RAB5B: variants seen among roughly 807,000 people sequenced by gnomAD.
RAB5B encodes RAB5B, member RAS oncogene family.
In RAB5B, 11 loss-of-function variants were observed where a neutral mutation model predicts 28.6. That is an observed-to-expected ratio of 0.38 (90% CI 0.24 to 0.64). The LOEUF is 0.64. Ranked by LOEUF, RAB5B falls within the 30% of genes least tolerant of loss-of-function variation. The pLI, the probability that RAB5B is intolerant of heterozygous loss-of-function variation, is 0.53. For synonymous variants in RAB5B, 93 were observed against 97.9 expected (o/e 0.95, Z 0.29); for missense variants, 169 against 265.6 (o/e 0.64, Z 2.53).
Position 55,996,259 on chromosome 12 carries a change from C to T in RAB5B, c.*4047C>T, listed in dbSNP as rs1890304729. On this transcript the variant is annotated 3_prime_UTR_variant, in exon 6 of 6. Coordinates refer to ENST00000360299, the MANE Select transcript of RAB5B (RefSeq NM_002868.4). ...TTTCAAAATTAAAGGTGAACACCTT[C>T]ACTTAAACTGATTAAAATTGCAGCT... 6.6e-6 allele frequency: 1 copy of T among 151,870 alleles called. No individual in the cohort carries two copies. The allele number at this position is 151,870 out of a possible 1,614,324, so 9.4% of individuals were successfully genotyped here. A position where few individuals can be genotyped will look rare whatever the true frequency, so the allele number is the denominator to read the frequency against.
At position 55,992,222 on chromosome 12, in the gene RAB5B, T is replaced by G; in HGVS notation, c.*10T>G. The G allele has an allele frequency of 1.2e-6, 2 of 1,602,226 alleles. No homozygotes were observed. Reference sequence around the variant, plus strand: ...GTGTTGTAGCAACTGAGGGGGTGGCTAGCAGCAAACAAGTATGGAGCTAGC... The same window carrying G: ...GTGTTGTAGCAACTGAGGGGGTGGCGAGCAGCAAACAAGTATGGAGCTAGC... On this transcript the variant is annotated 3_prime_UTR_variant, in exon 6 of 6. Coordinates refer to ENST00000360299, the MANE Select transcript of RAB5B (RefSeq NM_002868.4).
intron 1 of RAB5B, among the ~76,000 whole-genome samples, chr12:55,985,208 T>C (rs758095272): frequency 1.3e-5 from 2 of 152,182 alleles, no homozygotes; most frequent in Non-Finnish European, 2.9e-5. Context: ...CTCCAGAGCC[T>C]TTATTCCTCT....
At chr12:55,981,098 C>T (rs543477434) in intron 1 of RAB5B, 3 of 1,439,538 alleles carry the variant, frequency 2.1e-6, no homozygotes, top group African/African-American at 1.4e-5. Flanking sequence ...CGGAATCGCT[C>T]TGTTGTCCAG....
chr12:55,990,595 G>T, intron 3 of RAB5B, 87 bp from the exon 4 acceptor site: 1 of 1,527,740 alleles, frequency 6.5e-7, no homozygotes, highest in African/African-American at 1.4e-5. Context: ...CCACCTAGAA[G>T]AGGTGAATTT....
At chr12:55,980,802 A>C in intron 1 of RAB5B, 1 of 1,578,398 alleles carries the variant, frequency 6.3e-7, no homozygotes, top group South Asian at 1.1e-5. Flanking sequence ...GCTCCACGGT[A>C]GTAGGCAGTA....
At chr12:55,991,970 A>G (rs533015041) in intron 5 of RAB5B, 127 bp from the exon 6 acceptor site, 8 of 681,714 alleles carry the variant, frequency 1.2e-5, no homozygotes, top group Admixed American at 2.9e-5. Context: ...TCCCATCTTC[A>G]GAACATTCTT....
In RAB5B at chr12:55,986,855, T is replaced by G; in HGVS notation, c.-92-14T>G. On this transcript the variant is annotated splice_polypyrimidine_tract_variant and intron_variant, in intron 1 of 5. Transcript: ENST00000360299. ...GGACGTATGTTTAATTTTATTCACT[T>G]TTTTTTCTTGCAGGAGTGTTGAAGC... is the stretch of plus-strand genomic sequence containing the variant. The G allele has an allele frequency of 1.1e-6, 1 of 871,406 alleles. No homozygotes were observed. Among genetic ancestry groups the G allele is most frequent in the South Asian group, 1.5e-5 (1 of 68,394 alleles). The allele number at this position is 871,406 out of a possible 1,614,324, so 54.0% of individuals were successfully genotyped here. A position where few individuals can be genotyped will look rare whatever the true frequency, so the allele number is the denominator to read the frequency against.
Position 55,991,384 on chromosome 12 carries a change from A to G in RAB5B, c.463A>G (p.Asn155Asp). Residue 155 changes from asparagine (N) to aspartate (D), a missense_variant, in exon 5 of 6, where the codon AAC becomes GAC. Asn to Asp is a conservative substitution (Grantham distance 23). This residue lies in a region of RAB5B where 123 missense variants were observed against 162.4 expected (regional missense o/e 0.76). Transcript: ENST00000360299. Reference sequence around the variant, plus strand: ...GGAGGCCCAGGCATATGCAGATGACAACAGCTTATTGTTCATGGAGACTTC... The same window carrying G: ...GGAGGCCCAGGCATATGCAGATGACGACAGCTTATTGTTCATGGAGACTTC... ...YEEAQAYADD[N>D]SLLFMETSAK... The G allele has an allele frequency of 6.2e-7, 1 of 1,614,066 alleles. No homozygotes were observed.
intron 2 of RAB5B, 136 bp downstream of exon 2, chr12:55,987,259 C>T (rs950257900): frequency 3.5e-5 from 29 of 832,374 alleles, no homozygotes; most frequent in Non-Finnish European, 5.0e-5. Flanking sequence ...CTCCCAGGTT[C>T]GAGCGATTCT....
intron 3 of RAB5B, 177 bp downstream of exon 3, chr12:55,990,275 G>A (rs1890071724): frequency 1.6e-6 from 1 of 635,606 alleles, no homozygotes; most frequent in Non-Finnish European, 2.5e-6. Context: ...GGGCGTGGTG[G>A]TGCGCGCCTG....
At chr12:55,976,913 G>A (rs933996550) in intron 1 of RAB5B, among the ~76,000 whole-genome samples, 2 of 152,080 alleles carry the variant, frequency 1.3e-5, no homozygotes, top group Admixed American at 6.6e-5. Context: ...TGGAAACCTC[G>A]GTTTTTTCCC....
intron 4 of RAB5B, 66 bp from the exon 5 acceptor site, chr12:55,991,294 G>C: frequency 1.6e-6 from 2 of 1,232,420 alleles, no homozygotes; most frequent in Non-Finnish European, 2.4e-6. Flanking sequence ...GTGCTGCATG[G>C]GAGTGGAAAG....
At chr12:55,978,025 G>A (rs190417450) in intron 1 of RAB5B, among the ~76,000 whole-genome samples, 2 of 152,270 alleles carry the variant, frequency 1.3e-5, no homozygotes, top group African/African-American at 4.8e-5. Flanking sequence ...GTGTTTGGGT[G>A]GGAGGGCCAC....
intron 5 of RAB5B, 172 bp from the exon 6 acceptor site, chr12:55,991,925 C>CAAAA: frequency 4.2e-6 from 2 of 479,852 alleles, no homozygotes; most frequent in East Asian, 3.7e-5. Flanking sequence ...GACTCCATCT[C>CAAAA]AAAAAAAAAA....
intron 1 of RAB5B, chr12:55,980,549 A>C: frequency 6.3e-7 from 1 of 1,593,692 alleles, no homozygotes; most frequent in South Asian, 1.1e-5. Flanking sequence ...CAGGGAACTA[A>C]AAGCCTCATC....
chr12:55,977,566 A>G (rs1009609929), intron 1 of RAB5B, among the ~76,000 whole-genome samples: 1 of 152,160 alleles, frequency 6.6e-6, no homozygotes, highest in Non-Finnish European at 1.5e-5. Flanking sequence ...TACTTCTGAG[A>G]AGGAGGCATA....
intron 1 of RAB5B, among the ~76,000 whole-genome samples, chr12:55,982,616 T>C (rs1393422091): frequency 1.3e-5 from 2 of 152,096 alleles, no homozygotes; most frequent in Admixed American, 6.6e-5. Flanking sequence ...TAAGGCTACA[T>C]ATTAGGGTAC....
intron 1 of RAB5B, chr12:55,980,773 T>C: frequency 6.3e-7 from 1 of 1,578,766 alleles, no homozygotes; most frequent in Non-Finnish European, 8.7e-7. Context: ...TGATGTCGTA[T>C]GCTAGGATAA....
Position 55,996,003 on chromosome 12 carries a change from A to ATATATATATATATATTTTTTTTTTTTTTT in RAB5B, c.*3792_*3793insATATATATATATATTTTTTTTTTTTTTTT. The stretch of plus-strand genomic sequence containing the variant: ...TATATACATATATATATATATATAT[A>ATATATATATATATATTTTTTTTTTTTTTT]TTTTTTTTTTAACAACTGGTAGGAT... On this transcript the variant is annotated 3_prime_UTR_variant, in exon 6 of 6. Coordinates refer to ENST00000360299, the MANE Select transcript of RAB5B (RefSeq NM_002868.4). 2.1e-5 allele frequency: 2 copies of ATATATATATATATATTTTTTTTTTTTTTT among 97,398 alleles called. No individual in the cohort carries two copies. Among genetic ancestry groups the ATATATATATATATATTTTTTTTTTTTTTT allele is most frequent in the African/African-American group, 9.5e-5 (2 of 21,142 alleles). The allele number at this position is 97,398 out of a possible 1,614,324, so 6.0% of individuals were successfully genotyped here. A position where few individuals can be genotyped will look rare whatever the true frequency, so the allele number is the denominator to read the frequency against.
Sources: gnomAD v4.1 joint callset for allele counts (sites outside exome capture counted in the v4.1 genomes callset) on GRCh38, gnomAD v4.1.1 for gene constraint, gnomAD v4.1.1 regional missense constraint, MANE v1.5 for transcripts, NCBI Gene and HGNC (gene_info 2026-07-23, HGNC 2026-07-21) for gene names.